Variants in CADPS observed in about 807,000 individuals in gnomAD.
CADPS encodes the protein calcium dependent secretion activator.
In CADPS, 57 loss-of-function variants were observed where a neutral mutation model predicts 167.3. That is an observed-to-expected ratio of 0.34 (90% CI 0.28 to 0.42). The LOEUF is 0.42. CADPS is among the 20% of genes least tolerant of loss of function. CADPS has a pLI of 1.00. For missense variants in CADPS, 1,414 were observed against 1,738.1 expected, an observed-to-expected ratio of 0.81 and a Z score of 3.32; for synonymous variants, 676 against 635.3, an observed-to-expected ratio of 1.06 and a Z score of -0.96.
intron 9 of CADPS, among the ~76,000 whole-genome samples, chr3:62,561,500 G>A (rs374260756): frequency 7.2e-5 from 11 of 151,872 alleles, no homozygotes; most frequent in Admixed American, 5.3e-4. Context: ...GAACTCCTGG[G>A]CTCAAGTGAT....
chr3:62,706,238 T>A (rs2082287831), intron 3 of CADPS, among the ~76,000 whole-genome samples: 1 of 152,194 alleles, frequency 6.6e-6, no homozygotes, highest in African/African-American at 2.4e-5. Flanking sequence ...CTCATCATAG[T>A]AAATTTTCTG....
intron 6 of CADPS, among the ~76,000 whole-genome samples, chr3:62,619,706 C>T (rs1400843210): frequency 6.6e-6 from 1 of 152,076 alleles, no homozygotes; most frequent in Non-Finnish European, 1.5e-5. Flanking sequence ...GTCCCATCCG[C>T]CTCTTTGGAA....
At chr3:62,473,238 G>A (rs886688490) in intron 24 of CADPS, among the ~76,000 whole-genome samples, 1 of 151,258 alleles carries the variant, frequency 6.6e-6, no homozygotes, top group Non-Finnish European at 1.5e-5. Context: ...TGGGGGTGGG[G>A]GCTGAGGAAG....
At chr3:62,607,997 A>G (rs1440936407) in intron 6 of CADPS, among the ~76,000 whole-genome samples, 2 of 152,196 alleles carry the variant, frequency 1.3e-5, no homozygotes, top group African/African-American at 4.8e-5. Flanking sequence ...TGCATGACAT[A>G]GGCTCAACCT....
At chr3:62,581,857 C>A (rs778491698) in intron 8 of CADPS, among the ~76,000 whole-genome samples, 2 of 152,098 alleles carry the variant, frequency 1.3e-5, no homozygotes, top group Non-Finnish European at 2.9e-5. Context: ...TGTGAATGCA[C>A]TTCCTGAACT....
chr3:62,689,568 A>G (rs537944647), intron 3 of CADPS, among the ~76,000 whole-genome samples: 1 of 152,110 alleles, frequency 6.6e-6, no homozygotes, highest in Non-Finnish European at 1.5e-5. Flanking sequence ...GTCTTTTTTT[A>G]TACCATTCTC....
chr3:62,553,173 C>T (rs1562054167), intron 10 of CADPS, among the ~76,000 whole-genome samples: 1 of 152,150 alleles, frequency 6.6e-6, no homozygotes, highest in Non-Finnish European at 1.5e-5. Flanking sequence ...GCCCCAAGGC[C>T]TCCCCCTCAC....
chr3:62,440,223 C>G (rs939854936), intron 27 of CADPS: 5 of 152,092 alleles, frequency 3.3e-5, no homozygotes, highest in African/African-American at 1.2e-4. Context: ...AATCCTTTCT[C>G]CATCTCCTCC....
At position 62,403,276 on chromosome 3, in the gene CADPS, T is replaced by C. The variant is rs187305880; in HGVS notation, c.3778-91A>G. ...CAGGCAATGTTTGAGTACCCCACTC[T>C]GTTCCAGGAGGAAACAAAATGGTTA... On this transcript the variant is annotated intron_variant, in intron 28 of 29. Coordinates refer to ENST00000383710, the MANE Select transcript of CADPS (RefSeq NM_003716.4). 284 of 811,144 alleles carry C rather than the reference T, an allele frequency of 3.5e-4. 1 individual carries two copies. In the East Asian group the frequency reaches 6.9e-3, roughly 20 times the overall value. The allele number at this position is 811,144 out of a possible 1,614,324, so 50.2% of individuals were successfully genotyped here.
At chr3:62,534,289 G>T (rs896676340) in intron 12 of CADPS, among the ~76,000 whole-genome samples, 4 of 152,208 alleles carry the variant, frequency 2.6e-5, no homozygotes, top group Non-Finnish European at 2.9e-5. Flanking sequence ...AAAAGAGAAA[G>T]TGACTAGGGG....
At chr3:62,688,636 G>A (rs1032790880) in intron 3 of CADPS, among the ~76,000 whole-genome samples, 2 of 152,008 alleles carry the variant, frequency 1.3e-5, no homozygotes, top group Non-Finnish European at 2.9e-5. Flanking sequence ...TTTTATTCTT[G>A]CTCTTGCCAT....
At chr3:62,443,130 T>C (rs2056634828) in intron 27 of CADPS, among the ~76,000 whole-genome samples, 1 of 152,236 alleles carries the variant, frequency 6.6e-6, no homozygotes, top group Non-Finnish European at 1.5e-5. Context: ...GTTTATGCAC[T>C]AACTGGAATT....
rs966593495 is a variant in CADPS at position 62,874,484 on chromosome 3, C to A, written c.441+105G>T. ...CCCTTTCCCCAGGGCGCGGTCTCCA[C>A]CTCTCCTGCTCCTCCTCGCCAGCTG... On this transcript the variant is annotated intron_variant, in intron 1 of 29. Coordinates refer to ENST00000383710, the MANE Select transcript of CADPS (RefSeq NM_003716.4). The surrounding 1 kb of genome is among the most constrained non-coding windows in gnomAD (Gnocchi z 7.1). The A allele has an allele frequency of 1.1e-6, 1 of 894,394 alleles. No homozygotes were observed. Among genetic ancestry groups the A allele is most frequent in the South Asian group, 1.6e-5 (1 of 61,492 alleles). 55.4% of individuals were successfully genotyped at this position (894,394 alleles called of 1,614,324 possible). A position where few individuals can be genotyped will look rare whatever the true frequency, so the allele number is the denominator to read the frequency against.
chr3:62,424,227 A>G (rs1489384240), intron 28 of CADPS, among the ~76,000 whole-genome samples: 1 of 151,966 alleles, frequency 6.6e-6, no homozygotes, highest in Non-Finnish European at 1.5e-5. Flanking sequence ...TCTGTCACCC[A>G]GGTTGGAGTG....
chr3:62,744,458 C>A (rs148765369), intron 3 of CADPS, among the ~76,000 whole-genome samples: 1 of 151,976 alleles, frequency 6.6e-6, no homozygotes, highest in Admixed American at 6.5e-5. Context: ...GTCTGAATCA[C>A]TGAGGAAACA....
chr3:62,645,775 C>G lies in CADPS; in HGVS notation c.1272G>C (p.Glu424Asp), dbSNP rs748659970. ...TCTGTAGTTTCTCTCCTCCTTCCAC[C>G]TCCATTGTGCAATATACGATGCGAT... ...APNRIVYCTM[E>D]VEGGEKLQTD... The change falls in exon 6 of 30, where the codon GAG (glutamate) becomes GAC (aspartate). Residue 424 changes from glutamate (E) to aspartate (D), a missense_variant. By Grantham distance (45) the Glu-to-Asp change is conservative (BLOSUM62 2). Transcript: ENST00000383710. The G allele has an allele frequency of 6.2e-7, 1 of 1,614,076 alleles. No homozygotes were observed. Among genetic ancestry groups the G allele is most frequent in the African/African-American group, 1.3e-5 (1 of 75,032 alleles).
chr3:62,656,230 A>AACAATTATTAGT (rs1425743739), intron 4 of CADPS, among the ~76,000 whole-genome samples: 7 of 152,178 alleles, frequency 4.6e-5, no homozygotes, highest in African/African-American at 1.7e-4. Flanking sequence ...CACTACAAAC[A>AACAATTATTAGT]ACAATAGTAC....
intron 28 of CADPS, among the ~76,000 whole-genome samples, chr3:62,429,023 G>C (rs1302502094): frequency 1.3e-5 from 2 of 152,210 alleles, no homozygotes; most frequent in Non-Finnish European, 2.9e-5. Context: ...ACTTATTTGT[G>C]TGTAGTAGAA....
chr3:62,584,854 G>A (rs562492456), intron 8 of CADPS, among the ~76,000 whole-genome samples: 3 of 152,218 alleles, frequency 2.0e-5, no homozygotes, highest in Non-Finnish European at 4.4e-5. Flanking sequence ...GAGTTTGAAT[G>A]ATCTGGATGC....
Sources: gnomAD v4.1 joint callset for allele counts (sites outside exome capture counted in the v4.1 genomes callset) on GRCh38, gnomAD v4.1.1 for gene constraint, Gnocchi (gnomAD v3.1) non-coding constraint, MANE v1.5 for transcripts, NCBI Gene and HGNC (gene_info 2026-07-23, HGNC 2026-07-21) for gene names.